The following CSGALNACT1 variants were observed in gnomAD, a reference collection of about 807,000 sequenced individuals.
The protein encoded by CSGALNACT1 is chondroitin sulfate N-acetylgalactosaminyltransferase 1.
Under a neutral mutation model 51.0 loss-of-function variants are expected in CSGALNACT1, and 52 were observed. The observed-to-expected ratio is 1.02, with a 90% CI of 0.82 to 1.29. The LOEUF (loss-of-function observed/expected upper bound fraction) is 1.29. Among genes scored for constraint, CSGALNACT1 ranks in the 50% most tolerant of loss-of-function variants. The pLI is 0.00. For synonymous variants in CSGALNACT1, 341 were observed against 254.4 expected (o/e 1.34, Z -3.24); for missense variants, 935 against 679.2 (o/e 1.38, Z -4.19).
rs762692266 is a variant in CSGALNACT1 at position 19,458,404 on chromosome 8, A to G, written c.851+22T>C. The stretch of plus-strand genomic sequence containing the variant: ...TAACACACATCATGCGGAGGAAGAT[A>G]AACACGTGCGAACAAACCAACCTGA... On this transcript the variant is annotated intron_variant, in intron 5 of 9. Transcript: ENST00000454498. 2.5e-6 allele frequency: 4 copies of G among 1,585,224 alleles called. No individual in the cohort carries two copies. In the Admixed American group the frequency reaches 6.7e-5, roughly 26 times the overall value.
At chr8:19,667,100 G>GAGAGAGAGA in intron 1 of CSGALNACT1, among the ~76,000 whole-genome samples, 1 of 54,138 alleles carries the variant, frequency 1.8e-5, no homozygotes, top group African/African-American at 8.5e-5. Flanking sequence ...AGAAAGAAAG[G>GAGAGAGAGA]GAAAGAAATC....
intron 5 of CSGALNACT1, among the ~76,000 whole-genome samples, chr8:19,444,465 G>T (rs796448680): frequency 6.6e-6 from 1 of 152,104 alleles, no homozygotes; most frequent in South Asian, 2.1e-4. Context: ...ATTTTAACCT[G>T]AGTTTCTGGA....
At chr8:19,725,644 C>T (rs968173523) in intron 1 of CSGALNACT1, among the ~76,000 whole-genome samples, 6 of 151,896 alleles carry the variant, frequency 4.0e-5, no homozygotes, top group South Asian at 2.1e-4. Context: ...AGGCTGGTTT[C>T]GAACTCCTGA....
chr8:19,717,713 G>A (rs1564465751), intron 1 of CSGALNACT1, among the ~76,000 whole-genome samples: 1 of 152,166 alleles, frequency 6.6e-6, no homozygotes, highest in Non-Finnish European at 1.5e-5. Flanking sequence ...CCCCAGCTTG[G>A]TTGTCCAGTG....
At chr8:19,436,683 G>A (rs2060430704) in intron 6 of CSGALNACT1, among the ~76,000 whole-genome samples, 1 of 152,156 alleles carries the variant, frequency 6.6e-6, no homozygotes, top group African/African-American at 2.4e-5. Flanking sequence ...GAGGCAAGAG[G>A]ATTGCTCAAG....
At chr8:19,414,082 T>C (rs913294437) in intron 8 of CSGALNACT1, among the ~76,000 whole-genome samples, 3 of 152,194 alleles carry the variant, frequency 2.0e-5, no homozygotes, top group Non-Finnish European at 2.9e-5. Flanking sequence ...GACGTCATGC[T>C]GGTAGCCTGA....
chr8:19,696,760 GCAT>G (rs1160629081), intron 1 of CSGALNACT1, among the ~76,000 whole-genome samples: 2 of 152,168 alleles, frequency 1.3e-5, no homozygotes, highest in African/African-American at 4.8e-5. Flanking sequence ...TTCATGTGGG[GCAT>G]CTAGAATGGG....
intron 1 of CSGALNACT1, among the ~76,000 whole-genome samples, chr8:19,691,232 G>A (rs956043866): frequency 2.6e-5 from 4 of 152,186 alleles, no homozygotes; most frequent in African/African-American, 9.7e-5. Flanking sequence ...CAGGTGGTGA[G>A]CAAAGGGGTC....
intron 1 of CSGALNACT1, among the ~76,000 whole-genome samples, chr8:19,689,858 G>A (rs916939059): frequency 2.0e-5 from 3 of 152,202 alleles, no homozygotes; most frequent in Admixed American, 6.5e-5. Context: ...GTGACGTAGA[G>A]TAACCTGATA....
At chr8:19,640,383 A>T (rs1286145294) in intron 1 of CSGALNACT1, among the ~76,000 whole-genome samples, 1 of 152,196 alleles carries the variant, frequency 6.6e-6, no homozygotes, top group South Asian at 2.1e-4. Context: ...TTTCTCCTTG[A>T]TTCCTGAAAT....
chr8:19,436,676 G>A (rs1228838264), intron 6 of CSGALNACT1, among the ~76,000 whole-genome samples: 1 of 152,152 alleles, frequency 6.6e-6, no homozygotes, highest in Non-Finnish European at 1.5e-5. Flanking sequence ...GGAGGATGAG[G>A]CAAGAGGATT....
chr8:19,645,054 A>G (rs546392116), intron 1 of CSGALNACT1, among the ~76,000 whole-genome samples: 1 of 152,216 alleles, frequency 6.6e-6, no homozygotes, highest in Non-Finnish European at 1.5e-5. Flanking sequence ...ATCAAAGTTC[A>G]ATTCATTAAA....
chr8:19,740,433 A>G (rs1035480802), intron 1 of CSGALNACT1, among the ~76,000 whole-genome samples: 1 of 152,228 alleles, frequency 6.6e-6, no homozygotes, highest in Non-Finnish European at 1.5e-5. Flanking sequence ...GGATGAAAGG[A>G]CAGTGACGGG....
intron 1 of CSGALNACT1, among the ~76,000 whole-genome samples, chr8:19,738,488 G>C (rs1269450250): frequency 6.6e-6 from 1 of 152,122 alleles, no homozygotes; most frequent in Non-Finnish European, 1.5e-5. Context: ...GAAGGAATGA[G>C]GAATTATAGT....
chr8:19,478,270 C>T (rs1279297461), intron 4 of CSGALNACT1, among the ~76,000 whole-genome samples: 4 of 151,868 alleles, frequency 2.6e-5, no homozygotes, highest in Admixed American at 6.6e-5. Context: ...AAAAATTGGC[C>T]GGGTGTGGTG....
At chr8:19,698,148 G>C (rs2061675734) in intron 1 of CSGALNACT1, among the ~76,000 whole-genome samples, 1 of 152,166 alleles carries the variant, frequency 6.6e-6, no homozygotes, top group African/African-American at 2.4e-5. Context: ...GTCCCATGAG[G>C]TCCCCTTGAT....
Position 19,554,040 on chromosome 8 carries a change from G to A in CSGALNACT1, c.-297+37120C>T, listed in dbSNP as rs1479504662. Reference sequence around the variant, plus strand: ...TTGTCCATTGTTCAACATCCAGTTGGAGCCCCAGAAAAAGTGAAGAAGAAA... The same window carrying A: ...TTGTCCATTGTTCAACATCCAGTTGAAGCCCCAGAAAAAGTGAAGAAGAAA... On this transcript the variant is annotated intron_variant, in intron 3 of 9. Coordinates refer to ENST00000454498, the Ensembl canonical transcript of CSGALNACT1. 4.0e-5 allele frequency among the ~76,000 whole-genome samples: 6 copies of A among 151,896 alleles called. No homozygotes were observed. The East Asian group carries it at 5.8e-4, about 15-fold the overall frequency.
At chr8:19,616,058 A>C (rs1476048079) in intron 1 of CSGALNACT1, among the ~76,000 whole-genome samples, 10 of 152,204 alleles carry the variant, frequency 6.6e-5, no homozygotes, top group Non-Finnish European at 1.5e-4. Context: ...AATAAAATGC[A>C]CCCATTTAAA....
At chr8:19,656,836 G>C (rs10888167) in intron 1 of CSGALNACT1, among the ~76,000 whole-genome samples, 65,205 of 151,826 alleles carry the variant, frequency 0.43, 14,499 homozygotes, top group Middle Eastern at 0.54. Flanking sequence ...GGGAGGCCAA[G>C]GCGCGTGGAT....
Sources: gnomAD v4.1 joint callset for allele counts (sites outside exome capture counted in the v4.1 genomes callset) on GRCh38, gnomAD v4.1.1 for gene constraint, MANE v1.5 for transcripts, NCBI Gene and HGNC (gene_info 2026-07-23, HGNC 2026-07-21) for gene names.